ADGRL3: variants seen among roughly 807,000 people sequenced by gnomAD.
ADGRL3 encodes the protein adhesion G protein-coupled receptor L3, also known as calcium-independent alpha-latrotoxin receptor 3.
A neutral mutation model predicts 153.5 loss-of-function variants in ADGRL3; 62 were observed. The observed-to-expected ratio is 0.40, with a 90% CI of 0.33 to 0.50. The LOEUF is 0.50. ADGRL3 is among the 20% of genes least tolerant of loss of function. ADGRL3 has a pLI of 0.47. For missense variants in ADGRL3, 1,641 were observed against 1,859.4 expected (o/e 0.88, Z 2.16); for synonymous variants, 710 against 672.5 (o/e 1.06, Z -0.86).
At chr4:61,865,675 A>G (rs2098393474) in intron 9 of ADGRL3, among the ~76,000 whole-genome samples, 1 of 152,184 alleles carries the variant, frequency 6.6e-6, no homozygotes, top group South Asian at 2.1e-4. Flanking sequence ...AGTTCTTGCC[A>G]TGCAAAACAG....
At chr4:61,239,578 C>G (rs1400243870) in intron 1 of ADGRL3, among the ~76,000 whole-genome samples, 2 of 152,002 alleles carry the variant, frequency 1.3e-5, no homozygotes, top group African/African-American at 4.8e-5. Context: ...AAATCTCTAT[C>G]CCCACTGCTT....
At chr4:61,397,633 C>A (rs1260225518) in intron 2 of ADGRL3, among the ~76,000 whole-genome samples, 1 of 151,866 alleles carries the variant, frequency 6.6e-6, no homozygotes, top group Non-Finnish European at 1.5e-5. Context: ...TGGGTGAGAA[C>A]AATTCTGTGC....
intron 1 of ADGRL3, among the ~76,000 whole-genome samples, chr4:61,259,423 AAAATAAATAAATAAATAAATAAAT>A (rs58289743): frequency 1.4e-5 from 2 of 142,812 alleles, no homozygotes; most frequent in Non-Finnish European, 3.0e-5. Context: ...ACTCTGTCTC[AAAATAAATAAATAAATAAATAAAT>A]AAATAAATAA....
intron 5 of ADGRL3, among the ~76,000 whole-genome samples, chr4:61,651,106 T>A (rs2094229599): frequency 6.6e-6 from 1 of 152,144 alleles, no homozygotes; most frequent in Non-Finnish European, 1.5e-5. Flanking sequence ...ACTTGGCAGT[T>A]TAAAAAGGTT....
chr4:61,635,533 A>G (rs149633026), intron 5 of ADGRL3, among the ~76,000 whole-genome samples: 1 of 152,232 alleles, frequency 6.6e-6, no homozygotes, highest in East Asian at 1.9e-4. Flanking sequence ...GCACACAAGA[A>G]CTAAGAAAAA....
chr4:61,600,845 T>C (rs1241056466), intron 5 of ADGRL3, among the ~76,000 whole-genome samples: 6 of 152,212 alleles, frequency 3.9e-5, no homozygotes, highest in African/African-American at 1.4e-4. Context: ...AAAAAAAACA[T>C]GGTATATTTA....
chr4:61,219,011 G>C (rs1018261328), intron 1 of ADGRL3, among the ~76,000 whole-genome samples: 1 of 152,146 alleles, frequency 6.6e-6, no homozygotes, highest in Non-Finnish European at 1.5e-5. Flanking sequence ...GAGGCATCAA[G>C]GGGGGCTGTG....
intron 2 of ADGRL3, among the ~76,000 whole-genome samples, chr4:61,404,015 T>C (rs1288755733): frequency 6.6e-6 from 1 of 151,966 alleles, no homozygotes; most frequent in Non-Finnish European, 1.5e-5. Context: ...CACTTTGGGG[T>C]TTAGGGCTTC....
Position 61,813,868 on chromosome 4 carries a change from C to CT in ADGRL3, c.1460dup (p.Glu488ArgfsTer6), listed in dbSNP as rs758341268. The CT allele has an allele frequency of 6.3e-7, 1 of 1,581,174 alleles. No individual in the cohort carries two copies. Among genetic ancestry groups the CT allele is most frequent in the Admixed American group, 1.7e-5 (1 of 59,958 alleles). On this transcript the variant is annotated frameshift_variant, in exon 9 of 27. Coordinates refer to ENST00000683033, the MANE Select transcript of ADGRL3 (RefSeq NM_001387552.1). LOFTEE classifies it high-confidence loss of function. Reference sequence around the variant, plus strand: ...TCCGCCAATTCACCTTGACTCTGAGCTAGAAAGACCCTCTGTTAAAGGTGA... The same window carrying CT: ...TCCGCCAATTCACCTTGACTCTGAGCTTAGAAAGACCCTCTGTTAAAGGTGA...
chr4:61,615,391 A>G (rs568879590), intron 5 of ADGRL3, among the ~76,000 whole-genome samples: 8 of 152,218 alleles, frequency 5.3e-5, no homozygotes, highest in South Asian at 4.1e-4. Context: ...GCTAAAATAA[A>G]CACCGGTAAA....
intron 9 of ADGRL3, among the ~76,000 whole-genome samples, chr4:61,816,100 G>A (rs2097685889): frequency 6.6e-6 from 1 of 152,098 alleles, no homozygotes. Context: ...AAACTTGAAA[G>A]GTAAGAGTCC....
At chr4:61,780,496 C>A (rs2097201994) in intron 8 of ADGRL3, among the ~76,000 whole-genome samples, 1 of 152,138 alleles carries the variant, frequency 6.6e-6, no homozygotes, top group Non-Finnish European at 1.5e-5. Flanking sequence ...TCACCATGGG[C>A]AATACCTTGG....
intron 5 of ADGRL3, among the ~76,000 whole-genome samples, chr4:61,602,437 T>C (rs1269855958): frequency 6.6e-6 from 1 of 152,116 alleles, no homozygotes; most frequent in Non-Finnish European, 1.5e-5. Flanking sequence ...TTGTCACAAC[T>C]GGAAAGATGT....
rs2098489013 is a variant in ADGRL3 at position 61,515,664 on chromosome 4, C to A, written c.56-1651C>A. ...ATTTTAACTTGGCTGAGGATAAAAT[C>A]TTTCAATTTTTGCATAACAGAGGCT... On this transcript the variant is annotated intron_variant, in intron 3 of 26. Coordinates refer to ENST00000683033, the MANE Select transcript of ADGRL3 (RefSeq NM_001387552.1). Among the ~76,000 whole-genome samples the A allele has an allele frequency of 3.3e-5, 5 of 152,206 alleles. No homozygotes were observed. In the South Asian group the frequency reaches 1.0e-3, roughly 32 times the overall value.
chr4:61,358,865 A>G (rs2096238092), intron 1 of ADGRL3, among the ~76,000 whole-genome samples: 6 of 151,984 alleles, frequency 3.9e-5, no homozygotes, highest in Admixed American at 3.9e-4. Context: ...ATTATTTCCA[A>G]ATTTTTACCT....
At chr4:61,813,211 G>T (rs2097650276) in intron 8 of ADGRL3, among the ~76,000 whole-genome samples, 1 of 152,014 alleles carries the variant, frequency 6.6e-6, no homozygotes, top group Non-Finnish European at 1.5e-5. Context: ...TGGCCAACAT[G>T]GTGAAACCCC....
chr4:61,467,213 G>A (rs115253887), intron 2 of ADGRL3, among the ~76,000 whole-genome samples: 2,717 of 152,006 alleles, frequency 0.018, 76 homozygotes, highest in African/African-American at 0.061. Flanking sequence ...AAATGTTAAG[G>A]CATGCATTTT....
intron 11 of ADGRL3, among the ~76,000 whole-genome samples, chr4:61,908,203 G>A (rs1476816868): frequency 2.6e-5 from 4 of 152,150 alleles, no homozygotes; most frequent in East Asian, 1.9e-4. Flanking sequence ...CTTGAGCCCA[G>A]GAATTCAAGG....
intron 2 of ADGRL3, among the ~76,000 whole-genome samples, chr4:61,403,007 G>C (rs1270253701): frequency 1.3e-5 from 2 of 150,860 alleles, no homozygotes; most frequent in Non-Finnish European, 3.0e-5. Context: ...CCTCATCCTG[G>C]CTTGTACATG....
Sources: allele counts gnomAD v4.1 joint callset (sites outside exome capture counted in the v4.1 genomes callset), GRCh38; gene constraint gnomAD v4.1.1; transcripts MANE v1.5; gene names NCBI Gene and HGNC (gene_info 2026-07-23, HGNC 2026-07-21).